FSD1L: variants seen among roughly 807,000 people sequenced by gnomAD.
FSD1L encodes the protein fibronectin type III and SPRY domain containing 1 like.
FSD1L carries 45 observed loss-of-function variants against 71.6 expected under a neutral mutation model. The ratio of observed to expected loss-of-function variants is 0.63; its 90% CI spans 0.49 to 0.81. The LOEUF (loss-of-function observed/expected upper bound fraction) is 0.81, where lower values mean the gene tolerates loss of function less well. Ranked by LOEUF, FSD1L falls within the 30% of genes least tolerant of loss-of-function variation. The probability of loss-of-function intolerance (pLI) is 0.00; values close to 1 mark genes in which losing one functional copy is unlikely to be tolerated. For synonymous variants in FSD1L, 197 were observed against 207.2 expected, an observed-to-expected ratio of 0.95 and a Z score of 0.42; for missense variants, 561 against 618.1, an observed-to-expected ratio of 0.91 and a Z score of 0.98.
At chr9:105,501,522 A>C (rs1440615767) in intron 7 of FSD1L, among the ~76,000 whole-genome samples, 1 of 152,068 alleles carries the variant, frequency 6.6e-6, no homozygotes, top group Non-Finnish European at 1.5e-5. Flanking sequence ...CTCCTGGCTC[A>C]AGCGGTCTTT....
intron 3 of FSD1L, among the ~76,000 whole-genome samples, chr9:105,467,472 A>G (rs781366925): frequency 2.6e-5 from 4 of 152,188 alleles, no homozygotes; most frequent in Non-Finnish European, 5.9e-5. Flanking sequence ...AAATATAGCA[A>G]TGGGGAACTC....
chr9:105,546,316 A>G (rs756979432), intron 13 of FSD1L, 42 bp from the exon 14 acceptor site: 21 of 1,488,584 alleles, frequency 1.4e-5, no homozygotes, highest in Non-Finnish European at 1.9e-5. Context: ...CTGAAATTCT[A>G]GTTTGATTTG....
Position 105,506,495 on chromosome 9 carries a change from A to C in FSD1L, c.683A>C (p.Asp228Ala). 6.4e-7 allele frequency: 1 copy of C among 1,551,236 alleles called. No homozygotes were observed. The highest frequency in any genetic ancestry group is 8.7e-7 in the Non-Finnish European group (1 of 1,146,598). ...ATGCCAGAAGAAGATAATAAGATTG[A>C]CCATTTTATACTGGAACATAGGAAG... The part of the protein sequence containing the change: ...WRMPEEDNKI[D>A]HFILEHRKTN... The change falls in exon 8 of 14, where the codon GAC becomes GCC. Residue 228 changes from aspartate (D) to alanine (A), a missense_variant. Physicochemically the swap from Asp to Ala is moderately radical, Grantham distance 126 (BLOSUM62 -2). Coordinates refer to ENST00000481272, the MANE Select transcript of FSD1L (RefSeq NM_001145313.3).
At chr9:105,444,076 T>C (rs1201628235), upstream of FSD1L, among the ~76,000 whole-genome samples, 1 of 151,960 alleles carries the variant, frequency 6.6e-6, no homozygotes, top group Non-Finnish European at 1.5e-5. Context: ...GTGATTATAC[T>C]CCAGAAAAAA....
intron 5 of FSD1L, among the ~76,000 whole-genome samples, chr9:105,478,287 T>C (rs568990906): frequency 1.3e-5 from 2 of 151,834 alleles, no homozygotes; most frequent in Non-Finnish European, 2.9e-5. Flanking sequence ...GTAGAAAGAG[T>C]CCTCAGACCA....
intron 2 of FSD1L, among the ~76,000 whole-genome samples, chr9:105,462,238 T>G (rs568870004): frequency 1.3e-5 from 2 of 150,530 alleles, no homozygotes; most frequent in South Asian, 4.2e-4. Flanking sequence ...TTTTTTGAGA[T>G]GGAATCTTGC....
intron 6 of FSD1L, among the ~76,000 whole-genome samples, chr9:105,482,991 C>T (rs1279233989): frequency 6.6e-6 from 1 of 152,182 alleles, no homozygotes. Context: ...TTTCAGATGT[C>T]CTCGAATCAA....
At chr9:105,520,825 C>T in intron 10 of FSD1L, 1 of 1,612,272 alleles carries the variant, frequency 6.2e-7, no homozygotes, top group South Asian at 1.1e-5. Context: ...GAAGAAATCA[C>T]TCCTCTTGTC....
At chr9:105,542,717 A>G (rs1233281527) in intron 13 of FSD1L, among the ~76,000 whole-genome samples, 2 of 152,206 alleles carry the variant, frequency 1.3e-5, no homozygotes, top group Non-Finnish European at 2.9e-5. Flanking sequence ...TGGCCCCCCA[A>G]AATCCTGGGA....
At chr9:105,537,569 C>T (rs1836346701) in intron 12 of FSD1L, among the ~76,000 whole-genome samples, 2 of 151,874 alleles carry the variant, frequency 1.3e-5, no homozygotes, top group African/African-American at 2.4e-5. Context: ...GGAAGTTGTA[C>T]TGTGGAATAG....
At chr9:105,475,306 T>C (rs1831723018) in intron 5 of FSD1L, among the ~76,000 whole-genome samples, 1 of 152,104 alleles carries the variant, frequency 6.6e-6, no homozygotes, top group African/African-American at 2.4e-5. Flanking sequence ...AAAAGTACAG[T>C]TGGGTGAAAG....
intron 3 of FSD1L, among the ~76,000 whole-genome samples, chr9:105,466,028 T>G (rs951551462): frequency 1.3e-5 from 2 of 151,988 alleles, no homozygotes; most frequent in African/African-American, 4.8e-5. Flanking sequence ...AAAAAACTGT[T>G]AGAACTGATA....
intron 13 of FSD1L, among the ~76,000 whole-genome samples, chr9:105,544,955 T>C (rs1231421387): frequency 6.6e-6 from 1 of 152,236 alleles, no homozygotes; most frequent in Non-Finnish European, 1.5e-5. Flanking sequence ...TTTTTCCCAT[T>C]CTGTGAAGAA....
chr9:105,520,135 C>G (rs1248432973), intron 10 of FSD1L: 4 of 1,602,426 alleles, frequency 2.5e-6, no homozygotes, highest in Non-Finnish European at 1.7e-6. Context: ...AGGATGTTCT[C>G]CAAGAAGCCG....
At chr9:105,505,681 A>G (rs2131354606) in intron 7 of FSD1L, among the ~76,000 whole-genome samples, 1 of 152,302 alleles carries the variant, frequency 6.6e-6, no homozygotes, top group African/African-American at 2.4e-5. Flanking sequence ...AATTGATGTG[A>G]TAGAATACAT....
At chr9:105,447,460 C>T (rs762776350), upstream of FSD1L, among the ~76,000 whole-genome samples, 8 of 151,878 alleles carry the variant, frequency 5.3e-5, no homozygotes, top group Non-Finnish European at 1.2e-4. Flanking sequence ...GAAACAAGCT[C>T]AGGCAGACTG....
Position 105,451,931 on chromosome 9 carries a change from GAGGA to G in FSD1L, c.15+3700_15+3703del, listed in dbSNP as rs1450912088. Among the ~76,000 whole-genome samples, 3 of 152,290 alleles carry G rather than the reference GAGGA, an allele frequency of 2.0e-5. No homozygotes were observed. In the East Asian group the frequency reaches 5.8e-4, roughly 29 times the overall value. ...TACTGTAGGAATAAGAAAGGGTGGA[GAGGA>G]AGGGAGATGAGAGCTCAGAGGAAGG... is the stretch of plus-strand genomic sequence containing the variant. On this transcript the variant is annotated intron_variant, in intron 1 of 13. Transcript: ENST00000481272.
chr9:105,505,638 T>G (rs1411188636), intron 7 of FSD1L, among the ~76,000 whole-genome samples: 1 of 152,220 alleles, frequency 6.6e-6, no homozygotes, highest in Non-Finnish European at 1.5e-5. Context: ...GTATTTTTCT[T>G]GTTTCATTGA....
Position 105,502,671 on chromosome 9 carries a change from A to T in FSD1L, c.587-3728A>T, listed in dbSNP as rs145335818. On this transcript the variant is annotated intron_variant, in intron 7 of 13. Transcript: ENST00000481272. Reference sequence around the variant, plus strand: ...GATATTACTACTACTTTGATAAAAAAAAATGATTTAAAACGCCGTCTTCTC... The same window carrying T: ...GATATTACTACTACTTTGATAAAAATAAATGATTTAAAACGCCGTCTTCTC... 4.2e-4 allele frequency among the ~76,000 whole-genome samples: 64 copies of T among 152,280 alleles called. No individual in the cohort carries two copies. The East Asian group carries it at 0.011, about 27-fold the overall frequency.
Sources: allele counts gnomAD v4.1 joint callset (sites outside exome capture counted in the v4.1 genomes callset), GRCh38; gene constraint gnomAD v4.1.1; transcripts MANE v1.5; gene names NCBI Gene and HGNC (gene_info 2026-07-23, HGNC 2026-07-21).